RANBP17: variants seen among roughly 807,000 people sequenced by gnomAD.
RANBP17 encodes RAN binding protein 17, also known as ran-binding protein 17.
A neutral mutation model predicts 141.2 loss-of-function variants in RANBP17; 158 were observed. That is an observed-to-expected ratio of 1.12 (90% CI 0.98 to 1.28). The LOEUF is 1.28. Ranked by LOEUF, RANBP17 falls within the 50% of genes most tolerant of loss-of-function variation. The pLI, the probability that RANBP17 is intolerant of heterozygous loss-of-function variation, is 0.00. For missense variants in RANBP17, 1,438 were observed against 1,290.7 expected, an observed-to-expected ratio of 1.11 and a Z score of -1.75; for synonymous variants, 430 against 450.0, an observed-to-expected ratio of 0.96 and a Z score of 0.56.
At chr5:171,103,154 C>G (rs1297829454) in intron 14 of RANBP17, among the ~76,000 whole-genome samples, 1 of 152,192 alleles carries the variant, frequency 6.6e-6, no homozygotes, top group Non-Finnish European at 1.5e-5. Flanking sequence ...TGCTCTCTTC[C>G]AAGCCGGCAG....
chr5:171,167,237 G>C (rs1271478750), intron 14 of RANBP17, among the ~76,000 whole-genome samples: 1 of 152,102 alleles, frequency 6.6e-6, no homozygotes, highest in Non-Finnish European at 1.5e-5. Flanking sequence ...CTTCCTTGTA[G>C]GACCCATTGA....
At chr5:171,241,417 G>T (rs1042905579) in intron 23 of RANBP17, among the ~76,000 whole-genome samples, 7 of 151,708 alleles carry the variant, frequency 4.6e-5, no homozygotes, top group Non-Finnish European at 1.0e-4. Flanking sequence ...CTTAGTTCAG[G>T]CTTTCCCACC....
chr5:171,079,738 A>G (rs1561629376), intron 14 of RANBP17, among the ~76,000 whole-genome samples: 1 of 152,334 alleles, frequency 6.6e-6, no homozygotes, highest in East Asian at 1.9e-4. Context: ...TTTTTTAGAC[A>G]TAGTGTGATT....
At chr5:170,963,291 TTAGC>T (rs1216378981) in intron 13 of RANBP17, among the ~76,000 whole-genome samples, 1 of 152,216 alleles carries the variant, frequency 6.6e-6, no homozygotes, top group African/African-American at 2.4e-5. Context: ...AAAAATAATG[TTAGC>T]TCCTTGTCTC....
At chr5:171,139,769 T>G (rs1319205922) in intron 14 of RANBP17, among the ~76,000 whole-genome samples, 1 of 152,210 alleles carries the variant, frequency 6.6e-6, no homozygotes, top group Non-Finnish European at 1.5e-5. Context: ...CCTACTATTG[T>G]GCATTGTACA....
chr5:171,084,010 T>A (rs1055540167), intron 14 of RANBP17, among the ~76,000 whole-genome samples: 5 of 151,240 alleles, frequency 3.3e-5, no homozygotes, highest in African/African-American at 1.2e-4. Context: ...GTGCACATTG[T>A]GCAGGTTAGT....
intron 14 of RANBP17, among the ~76,000 whole-genome samples, chr5:171,125,846 A>C (rs940506323): frequency 3.3e-5 from 5 of 151,382 alleles, no homozygotes; most frequent in African/African-American, 1.2e-4. Context: ...GCTAGAGTGC[A>C]ATGGCACAAT....
intron 8 of RANBP17, among the ~76,000 whole-genome samples, chr5:170,915,529 T>C (rs901841340): frequency 3.3e-5 from 5 of 152,166 alleles, no homozygotes; most frequent in Non-Finnish European, 7.4e-5. Flanking sequence ...GTTTTTGTTT[T>C]TGTTTTTAAT....
At chr5:171,233,434 C>T (rs1440124553) in intron 22 of RANBP17, among the ~76,000 whole-genome samples, 1 of 152,006 alleles carries the variant, frequency 6.6e-6, no homozygotes, top group East Asian at 1.9e-4. Flanking sequence ...CTTACGGTCA[C>T]ACAAAAACAT....
At chr5:170,977,657 G>A (rs1244267021) in intron 14 of RANBP17, among the ~76,000 whole-genome samples, 1 of 152,030 alleles carries the variant, frequency 6.6e-6, no homozygotes, top group Non-Finnish European at 1.5e-5. Context: ...ATGTTATTCA[G>A]CCATAAAAAG....
rs1769735897 is a variant in RANBP17 at position 170,892,558 on chromosome 5, G to C, written c.423+5G>C. ...GATGTGAAGAAGTTTCTCCAGGTAA[G>C]AAGTCATTGCTACATGGTTAGAACA... On this transcript the variant is annotated splice_donor_5th_base_variant and intron_variant, in intron 4 of 27. Coordinates refer to ENST00000523189, the MANE Select transcript of RANBP17 (RefSeq NM_022897.5). The C allele has an allele frequency of 8.7e-6, 14 of 1,611,972 alleles. No homozygotes were observed. Among genetic ancestry groups the C allele is most frequent in the Admixed American group, 1.7e-5 (1 of 59,772 alleles).
intron 14 of RANBP17, among the ~76,000 whole-genome samples, chr5:171,106,724 C>T (rs929266942): frequency 6.6e-6 from 1 of 151,888 alleles, no homozygotes; most frequent in Non-Finnish European, 1.5e-5. Context: ...TATAATCACA[C>T]GAGGAAGTTT....
chr5:170,968,216 T>C, intron 13 of RANBP17, 26 bp from the exon 14 acceptor site: 1 of 1,511,838 alleles, frequency 6.6e-7, no homozygotes, highest in South Asian at 1.3e-5. Context: ...TACTGAAGGT[T>C]TTTTTTTTAT....
intron 14 of RANBP17, among the ~76,000 whole-genome samples, chr5:171,141,320 G>A (rs1757673906): frequency 6.6e-6 from 1 of 151,776 alleles, no homozygotes; most frequent in Non-Finnish European, 1.5e-5. Flanking sequence ...AGATAGGCTG[G>A]GCGCAGTGCC....
intron 14 of RANBP17, among the ~76,000 whole-genome samples, chr5:171,078,758 TGA>T (rs1785089480): frequency 6.6e-6 from 1 of 152,212 alleles, no homozygotes; most frequent in Admixed American, 6.5e-5. Context: ...AGCCCACTGT[TGA>T]GACCTACTGG....
chr5:171,277,637 G>GTGTATATATA (rs1437482589), intron 25 of RANBP17, among the ~76,000 whole-genome samples: 1,674 of 56,868 alleles, frequency 0.029, 243 homozygotes, highest in African/African-American at 0.052. Context: ...ATATATGTAT[G>GTGTATATATA]TATATATATA....
intron 14 of RANBP17, among the ~76,000 whole-genome samples, chr5:171,021,294 T>C (rs1442923822): frequency 6.6e-6 from 1 of 152,192 alleles, no homozygotes; most frequent in African/African-American, 2.4e-5. Flanking sequence ...GTTCTCTGTA[T>C]TTCCTGAATT....
At chr5:171,185,207 T>G (rs1462961508) in intron 18 of RANBP17, among the ~76,000 whole-genome samples, 1 of 152,134 alleles carries the variant, frequency 6.6e-6, no homozygotes, top group Non-Finnish European at 1.5e-5. Context: ...GCTAAAAAAT[T>G]CTAGCAAACA....
At position 171,213,625 on chromosome 5, in the gene RANBP17, TA is replaced by T. The variant is rs763658985; in HGVS notation, c.2232-2del. Reference sequence around the variant, plus strand: ...CCCTTAAATTCTTTAACAGGCTTTATAAAAGGTACCCAACGTACCTTCCCCT... The same window carrying T: ...CCCTTAAATTCTTTAACAGGCTTTATAAAGGTACCCAACGTACCTTCCCCT... On this transcript the variant is annotated splice_region_variant and splice_polypyrimidine_tract_variant and intron_variant, in intron 20 of 27. Transcript: ENST00000523189. 1 of 1,606,492 alleles carries T rather than the reference TA, an allele frequency of 6.2e-7. No individual in the cohort carries two copies. Among genetic ancestry groups the T allele is most frequent in the Admixed American group, 1.7e-5 (1 of 59,990 alleles).
Sources: gnomAD v4.1 joint callset for allele counts (sites outside exome capture counted in the v4.1 genomes callset) on GRCh38, gnomAD v4.1.1 for gene constraint, MANE v1.5 for transcripts, NCBI Gene and HGNC (gene_info 2026-07-23, HGNC 2026-07-21) for gene names.